DCUN1D1: variants seen among roughly 807,000 people sequenced by gnomAD.
DCUN1D1 encodes DCN1-like protein 1.
DCUN1D1 carries 3 observed loss-of-function variants against 39.0 expected under a neutral mutation model. The ratio of observed to expected loss-of-function variants is 0.08; its 90% CI spans 0.04 to 0.20. The LOEUF (loss-of-function observed/expected upper bound fraction) is 0.20, where lower values mean the gene tolerates loss of function less well. DCUN1D1 is among the 10% of genes least tolerant of loss of function. The probability of loss-of-function intolerance (pLI) is 1.00; values close to 1 mark genes in which losing one functional copy is unlikely to be tolerated. For synonymous variants in DCUN1D1, 82 were observed against 96.3 expected (o/e 0.85, Z 0.87); for missense variants, 158 against 302.4 (o/e 0.52, Z 3.54).
In DCUN1D1 at chr3:182,945,159, G is replaced by T; in HGVS notation, c.715C>A (p.Leu239Ile). The change falls in exon 7 of 7, where the codon CTT becomes ATT. Residue 239 changes from leucine (L) to isoleucine (I), a missense_variant. Physicochemically the swap from Leu to Ile is conservative, Grantham distance 5 (BLOSUM62 2). This residue lies in a region of DCUN1D1 where 14 missense variants were observed against 48.0 expected (regional missense o/e 0.29). Coordinates refer to ENST00000292782, the MANE Select transcript of DCUN1D1 (RefSeq NM_020640.4). ...GCAAATTCCACAAAGTCATCAATAA[G>T]AACAGGCCATGCTCCTGGAAAAAAG... ...NYDEEGAWPV[L>I]IDDFVEFARP... 6.2e-7 allele frequency: 1 copy of T among 1,611,554 alleles called. No individual in the cohort carries two copies. The highest frequency in any genetic ancestry group is 8.5e-7 in the Non-Finnish European group (1 of 1,179,322).
intron 4 of DCUN1D1, among the ~76,000 whole-genome samples, chr3:182,958,138 G>A (rs1362163626): frequency 6.6e-6 from 1 of 151,412 alleles, no homozygotes; most frequent in Non-Finnish European, 1.5e-5. Context: ...CCTTAGAAAG[G>A]CTGTTATAAA....
rs1449870759 is a variant in DCUN1D1 at position 182,939,692 on chromosome 3, G to GGCAGGAGCAAATTAACCGCAGAGCA, written c.*5377_*5401dup. 2 of 152,244 alleles carry GGCAGGAGCAAATTAACCGCAGAGCA rather than the reference G, an allele frequency of 1.3e-5. No homozygotes were observed. The highest frequency in any genetic ancestry group is 4.8e-5 in the African/African-American group (2 of 41,434). 9.4% of individuals were successfully genotyped at this position (152,244 alleles called of 1,614,324 possible). A position where few individuals can be genotyped will look rare whatever the true frequency, so the allele number is the denominator to read the frequency against. On this transcript the variant is annotated 3_prime_UTR_variant, in exon 7 of 7. Coordinates refer to ENST00000292782, the MANE Select transcript of DCUN1D1 (RefSeq NM_020640.4). The stretch of plus-strand genomic sequence containing the variant: ...ATCAGTGTGGCTGCGTGGGGCTGGA[G>GGCAGGAGCAAATTAACCGCAGAGCA]GCAGGAGCAAATTAACCGCAGAGCA...
At chr3:182,982,067 C>T (rs763543593), upstream of DCUN1D1, among the ~76,000 whole-genome samples, 3 of 152,216 alleles carry the variant, frequency 2.0e-5, no homozygotes, top group Non-Finnish European at 4.4e-5. Context: ...GTATCTCTTA[C>T]TCCAATCTGT....
chr3:182,949,473 A>G (rs1167879913), intron 4 of DCUN1D1, among the ~76,000 whole-genome samples: 1 of 151,946 alleles, frequency 6.6e-6, no homozygotes, highest in East Asian at 1.9e-4. Context: ...TAATCCCATC[A>G]CTCTGGGAAG....
intron 4 of DCUN1D1, among the ~76,000 whole-genome samples, chr3:182,948,149 G>T (rs1726512620): frequency 6.6e-6 from 1 of 152,176 alleles, no homozygotes; most frequent in Admixed American, 6.5e-5. Context: ...GGCCAACCCA[G>T]ATGAGAATCC....
At chr3:182,960,378 T>C (rs956728111) in intron 4 of DCUN1D1, among the ~76,000 whole-genome samples, 1 of 152,180 alleles carries the variant, frequency 6.6e-6, no homozygotes, top group African/African-American at 2.4e-5. Context: ...CAAACAAGCA[T>C]TCTCATTAAA....
upstream of DCUN1D1, among the ~76,000 whole-genome samples, chr3:182,982,927 A>C (rs1188423901): frequency 6.6e-6 from 1 of 152,108 alleles, no homozygotes; most frequent in Non-Finnish European, 1.5e-5. Flanking sequence ...CACAGGCGTG[A>C]GCCACCGCGC....
chr3:182,967,666 T>C (rs187758334), intron 1 of DCUN1D1, among the ~76,000 whole-genome samples: 47 of 152,312 alleles, frequency 3.1e-4, no homozygotes, highest in African/African-American at 1.1e-3. Context: ...CTCTACAACA[T>C]CTGCACATCA....
rs1253234535 is a variant in DCUN1D1 at position 182,967,212 on chromosome 3, CA to C, written c.4-1460del. On this transcript the variant is annotated intron_variant, in intron 1 of 6. Transcript: ENST00000292782. ...GAGCCCCAGATTCCCTCATCTGGCC[CA>C]AACAGACAGATCGTAAACATCAACT... Among the ~76,000 whole-genome samples the C allele has an allele frequency of 4.0e-5, 6 of 151,224 alleles. No individual in the cohort carries two copies. The East Asian group carries it at 9.7e-4, about 25-fold the overall frequency.
At chr3:182,970,805 C>T (rs911263140) in intron 1 of DCUN1D1, among the ~76,000 whole-genome samples, 7 of 152,162 alleles carry the variant, frequency 4.6e-5, no homozygotes, top group South Asian at 2.1e-4. Context: ...ACATAATACA[C>T]GGTATTCAGC....
In DCUN1D1 at chr3:182,942,685, G is replaced by GT. The variant is rs1309938532; in HGVS notation, c.*2408dup. On this transcript the variant is annotated 3_prime_UTR_variant, in exon 7 of 7. Coordinates refer to ENST00000292782, the MANE Select transcript of DCUN1D1 (RefSeq NM_020640.4). The stretch of plus-strand genomic sequence containing the variant: ...TAGGAGTTAAAGCAATTCAAGGGGC[G>GT]TGTGTGTGTCTCTCCCTTTCTCTGT... 1.1e-4 allele frequency: 17 copies of GT among 152,184 alleles called. No individual in the cohort carries two copies. Among genetic ancestry groups the GT allele is most frequent in the African/African-American group, 3.6e-4 (15 of 41,502 alleles). 9.4% of individuals were successfully genotyped at this position (152,184 alleles called of 1,614,324 possible).
At chr3:182,978,253 CA>C (rs1411818227) in intron 1 of DCUN1D1, among the ~76,000 whole-genome samples, 1 of 152,014 alleles carries the variant, frequency 6.6e-6, no homozygotes, top group African/African-American at 2.4e-5. Context: ...CTACAGACAC[CA>C]AAAAACTCAC....
intron 1 of DCUN1D1, among the ~76,000 whole-genome samples, chr3:182,967,448 G>C (rs1727730280): frequency 1.3e-5 from 2 of 152,066 alleles, no homozygotes; most frequent in Admixed American, 6.6e-5. Context: ...GTAAAAACAA[G>C]ACTATGCAAA....
In DCUN1D1 at chr3:182,961,319, T is replaced by G; in HGVS notation, c.427A>C (p.Lys143Gln). The G allele has an allele frequency of 6.2e-7, 1 of 1,605,716 alleles. No individual in the cohort carries two copies. The highest frequency in any genetic ancestry group is 2.2e-5 in the East Asian group (1 of 44,594). The change falls in exon 4 of 7, where the codon AAG becomes CAG. Residue 143 changes from lysine (K) to glutamine (Q), a missense_variant. By Grantham distance (53) the Lys-to-Gln change is moderately conservative. Around this residue, in one of 4 missense-constraint regions of DCUN1D1, gnomAD observed 107 missense variants for 174.7 expected, o/e 0.61. Coordinates refer to ENST00000292782, the MANE Select transcript of DCUN1D1 (RefSeq NM_020640.4). Reference protein sequence around the residue: ...SIEKLKAQIPKMEQELKEPGR... With the variant: ...SIEKLKAQIPQMEQELKEPGR... Reference sequence around the variant, plus strand: ...GGTTCTTTCAATTCTTGTTCCATCTTGGGTATCTGGGCCTTTAGTTTTTCT... The same window carrying G: ...GGTTCTTTCAATTCTTGTTCCATCTGGGGTATCTGGGCCTTTAGTTTTTCT...
chr3:182,952,995 T>G (rs1726835438), intron 4 of DCUN1D1, among the ~76,000 whole-genome samples: 1 of 152,158 alleles, frequency 6.6e-6, no homozygotes, highest in Admixed American at 6.5e-5. Flanking sequence ...CCAATTACCT[T>G]TAGATAAAAT....
chr3:182,941,831 G>A lies in DCUN1D1; in HGVS notation c.*3263C>T, dbSNP rs1451103748. The A allele has an allele frequency of 6.6e-6, 1 of 151,988 alleles. No homozygotes were observed. The allele number at this position is 151,988 out of a possible 1,614,324, so 9.4% of individuals were successfully genotyped here. On this transcript the variant is annotated 3_prime_UTR_variant, in exon 7 of 7. Transcript: ENST00000292782. ...CACTTTTTTATTCCAAAACTCCTTCGATTAGGTTTAACTTTCTCCTGTCAT... is the reference window on the plus strand; with the variant it reads ...CACTTTTTTATTCCAAAACTCCTTCAATTAGGTTTAACTTTCTCCTGTCAT...
intron 1 of DCUN1D1, 58 bp from the exon 2 acceptor site, chr3:182,965,811 T>C (rs1035658916): frequency 2.2e-5 from 24 of 1,113,112 alleles, no homozygotes; most frequent in Non-Finnish European, 2.9e-5. Flanking sequence ...GACTAAATAT[T>C]TCTATATGGC....
intron 1 of DCUN1D1, among the ~76,000 whole-genome samples, chr3:182,972,655 C>T (rs752498870): frequency 1.3e-5 from 2 of 151,914 alleles, no homozygotes; most frequent in Non-Finnish European, 2.9e-5. Flanking sequence ...GCAGGAGGGT[C>T]ACTTGAGTCC....
rs1469135484 is a variant in DCUN1D1 at position 182,940,332 on chromosome 3, CGTTT to C, written c.*4758_*4761del. On this transcript the variant is annotated 3_prime_UTR_variant, in exon 7 of 7. Coordinates refer to ENST00000292782, the MANE Select transcript of DCUN1D1 (RefSeq NM_020640.4). ...TTTTAAATATAAAATGAGTATGTTC[CGTTT>C]GTTTGCTCATTAAGCCACTTACATG... 2 of 152,120 alleles carry C rather than the reference CGTTT, an allele frequency of 1.3e-5. No homozygotes were observed. Among genetic ancestry groups the C allele is most frequent in the Non-Finnish European group, 2.9e-5 (2 of 67,990 alleles). 9.4% of individuals were successfully genotyped at this position (152,120 alleles called of 1,614,324 possible).
Sources: allele counts gnomAD v4.1 joint callset (sites outside exome capture counted in the v4.1 genomes callset), GRCh38; gene constraint gnomAD v4.1.1; regional missense constraint gnomAD v4.1.1; transcripts MANE v1.5; gene names NCBI Gene and HGNC (gene_info 2026-07-23, HGNC 2026-07-21).